The following TAMM41 variants were observed in gnomAD, a reference collection of about 807,000 sequenced individuals.
TAMM41 encodes the protein phosphatidate cytidylyltransferase, mitochondrial.
Under a neutral mutation model 44.1 loss-of-function variants are expected in TAMM41, and 36 were observed. That is an observed-to-expected ratio of 0.82 (90% CI 0.63 to 1.08). The LOEUF (loss-of-function observed/expected upper bound fraction) is 1.08. TAMM41 is among the 50% of genes least tolerant of loss of function. The pLI, the probability that TAMM41 is intolerant of heterozygous loss-of-function variation, is 0.00. For missense variants in TAMM41, 417 were observed against 404.3 expected (o/e 1.03, Z -0.27); for synonymous variants, 164 against 153.1 (o/e 1.07, Z -0.53).
chr3:11,784,626 TGAG>T, the TAMM41 span, among the ~76,000 whole-genome samples: 2 of 152,176 alleles, frequency 1.3e-5, no homozygotes, highest in Non-Finnish European at 2.9e-5. Context: ...CTATTTTCTA[TGAG>T]GAGAGTGGGT....
chr3:11,775,102 C>G, the TAMM41 span, among the ~76,000 whole-genome samples: 1 of 151,924 alleles, frequency 6.6e-6, no homozygotes, highest in Non-Finnish European at 1.5e-5. Context: ...CTCCTGACCT[C>G]GTGATCCACC....
the TAMM41 span, among the ~76,000 whole-genome samples, chr3:11,765,967 C>G: frequency 6.6e-6 from 1 of 152,082 alleles, no homozygotes; most frequent in African/African-American, 2.4e-5. Flanking sequence ...CTTTAAAGTG[C>G]TGGGATTACA....
intron 5 of TAMM41, among the ~76,000 whole-genome samples, chr3:11,812,401 AT>A (rs1346531200): frequency 1.3e-5 from 2 of 152,180 alleles, no homozygotes; most frequent in Non-Finnish European, 2.9e-5. Flanking sequence ...TGTGCTACAC[AT>A]CCTGAATCAA....
chr3:11,752,236 C>T, the TAMM41 span, among the ~76,000 whole-genome samples: 2 of 152,044 alleles, frequency 1.3e-5, no homozygotes, highest in Admixed American at 6.6e-5. Flanking sequence ...CCATGGACCT[C>T]GGCGGTGAGT....
chr3:11,774,958 C>T, the TAMM41 span, among the ~76,000 whole-genome samples: 2 of 151,698 alleles, frequency 1.3e-5, no homozygotes. Flanking sequence ...AATCTCCGCC[C>T]CCCAGGTTCA....
Position 11,846,661 on chromosome 3 carries a change from T to C in TAMM41, c.-25A>G. ...TGGGGTCGAGGCTAACAGGGGACAC[T>C]CAGCGCAGCAGGGCGAGGACAACCG... is the stretch of plus-strand genomic sequence containing the variant. On this transcript the variant is annotated 5_prime_UTR_variant, in exon 1 of 8. Coordinates refer to ENST00000455809, the MANE Select transcript of TAMM41 (RefSeq NM_001284401.2). 6.2e-7 allele frequency: 1 copy of C among 1,613,954 alleles called. No individual in the cohort carries two copies. Among genetic ancestry groups the C allele is most frequent in the Non-Finnish European group, 8.5e-7 (1 of 1,179,924 alleles).
At chr3:11,782,497 A>C in the TAMM41 span, among the ~76,000 whole-genome samples, 33 of 150,942 alleles carry the variant, frequency 2.2e-4, no homozygotes, top group African/African-American at 7.6e-4. Flanking sequence ...CAGTAAGCTG[A>C]GATTGTGCCA....
At chr3:11,815,188 T>C (rs563262699) in intron 5 of TAMM41, among the ~76,000 whole-genome samples, 3 of 152,148 alleles carry the variant, frequency 2.0e-5, no homozygotes, top group East Asian at 3.9e-4. Flanking sequence ...ACTTCACTAA[T>C]ATCAGAGTAT....
At chr3:11,727,930 G>C in the TAMM41 span, among the ~76,000 whole-genome samples, 573 of 151,842 alleles carry the variant, frequency 3.8e-3, 3 homozygotes, top group African/African-American at 0.013. Flanking sequence ...GGGATTACAG[G>C]CATGCACCTC....
At chr3:11,800,774 A>G (rs2077728711) in intron 7 of TAMM41, among the ~76,000 whole-genome samples, 2 of 152,230 alleles carry the variant, frequency 1.3e-5, no homozygotes, top group African/African-American at 4.8e-5. Flanking sequence ...GCAAAAAATT[A>G]ACAAAGAAAC....
chr3:11,830,218 A>C (rs1310792208), intron 3 of TAMM41, among the ~76,000 whole-genome samples: 1 of 152,240 alleles, frequency 6.6e-6, no homozygotes, highest in Non-Finnish European at 1.5e-5. Flanking sequence ...TAGTCGACAG[A>C]GGCATTTTAC....
At chr3:11,743,577 C>T in the TAMM41 span, among the ~76,000 whole-genome samples, 2 of 152,148 alleles carry the variant, frequency 1.3e-5, no homozygotes, top group African/African-American at 4.8e-5. Context: ...AAGTGATCCA[C>T]CTGCCTCGAC....
chr3:11,817,091 T>C (rs2078309671), intron 5 of TAMM41, 101 bp downstream of exon 5: 3 of 1,282,532 alleles, frequency 2.3e-6, no homozygotes, highest in East Asian at 2.3e-5. Flanking sequence ...TTTTAAACTA[T>C]AAATGTTCTC....
At chr3:11,771,103 G>A in the TAMM41 span, 5 of 152,552 alleles carry the variant, frequency 3.3e-5, no homozygotes, top group South Asian at 2.1e-4. Context: ...CTCAAGCTGC[G>A]GCCTCAGGCA....
chr3:11,809,971 T>C, intron 5 of TAMM41: 1 of 284,662 alleles, frequency 3.5e-6, no homozygotes, highest in Non-Finnish European at 6.4e-6. Context: ...TTTTAAAATT[T>C]ATATTTGTCT....
chr3:11,846,652 AG>A lies in TAMM41; in HGVS notation c.-17del. 1 of 1,614,122 alleles carries A rather than the reference AG, an allele frequency of 6.2e-7. No individual in the cohort carries two copies. The highest frequency in any genetic ancestry group is 8.5e-7 in the Non-Finnish European group (1 of 1,179,986). On this transcript the variant is annotated 5_prime_UTR_variant, in exon 1 of 8. Transcript: ENST00000455809. ...GCAGCGCCATGGGGTCGAGGCTAAC[AG>A]GGGACACTCAGCGCAGCAGGGCGAG...
the TAMM41 span, among the ~76,000 whole-genome samples, chr3:11,752,129 C>T: frequency 2.0e-5 from 3 of 152,012 alleles, no homozygotes; most frequent in Admixed American, 2.0e-4. Flanking sequence ...AATGAAGCTG[C>T]GGACCTTCGC....
the TAMM41 span, among the ~76,000 whole-genome samples, chr3:11,772,757 G>A: frequency 1.3e-5 from 2 of 152,122 alleles, no homozygotes; most frequent in Non-Finnish European, 2.9e-5. Context: ...TTTTCATAGA[G>A]TTGTCCTCCT....
rs754753453 is a variant in TAMM41, at chr3:11,844,083, C to G, written c.264G>C (p.Gln88His). Reference sequence around the variant, plus strand: ...AGTAAACTCCAGCGCCATAGTTATTCTGGATGGACGTGATAATCTTGGGCC... The same window carrying G: ...AGTAAACTCCAGCGCCATAGTTATTGTGGATGGACGTGATAATCTTGGGCC... ...VLGPKIITSI[Q>H]NNYGAGVYYN... Residue 88 changes from glutamine (Q) to histidine (H), a missense_variant, in exon 2 of 8, where the codon CAG becomes CAC. Gln to His is a conservative substitution (Grantham distance 24). Transcript: ENST00000455809. 2.5e-6 allele frequency: 4 copies of G among 1,614,174 alleles called. No homozygotes were observed. In the South Asian group the frequency reaches 3.3e-5, roughly 13 times the overall value.
Sources: gnomAD v4.1 joint callset for allele counts (sites outside exome capture counted in the v4.1 genomes callset) on GRCh38, gnomAD v4.1.1 for gene constraint, MANE v1.5 for transcripts, NCBI Gene and HGNC (gene_info 2026-07-23, HGNC 2026-07-21) for gene names.